PTPRK: variants seen among roughly 807,000 people sequenced by gnomAD.
The protein encoded by PTPRK is protein tyrosine phosphatase receptor type K.
A neutral mutation model predicts 178.0 loss-of-function variants in PTPRK; 75 were observed. The observed-to-expected ratio is 0.42, with a 90% CI of 0.35 to 0.51. The LOEUF is 0.51. PTPRK is among the 20% of genes least tolerant of loss of function. The probability of loss-of-function intolerance (pLI) is 0.02; values close to 1 mark genes in which losing one functional copy is unlikely to be tolerated. For synonymous variants in PTPRK, 637 were observed against 620.6 expected (o/e 1.03, Z -0.39); for missense variants, 1,441 against 1,797.8 (o/e 0.80, Z 3.59).
In PTPRK at chr6:128,184,477, T is replaced by A. The variant is rs757597593; in HGVS notation, c.1117A>T (p.Thr373Ser). ...ATTAGTGGAGGTCCTGGGAGCCCCG[T>A]TCCACCTTCACCAGGTCTTGTAAGT... Reference protein sequence around the residue: ...VLLTRPGEGGTGLPGPPLITR... With the variant: ...VLLTRPGEGGSGLPGPPLITR... The change falls in exon 7 of 30, where the codon ACG becomes TCG. Residue 373 changes from threonine to serine, a missense_variant. Physicochemically the swap from Thr to Ser is moderately conservative, Grantham distance 58. Coordinates refer to ENST00000368226, the MANE Select transcript of PTPRK (RefSeq NM_002844.4). The A allele has an allele frequency of 2.5e-6, 4 of 1,613,738 alleles. No homozygotes were observed. Among genetic ancestry groups the A allele is most frequent in the Non-Finnish European group, 3.4e-6 (4 of 1,179,788 alleles).
At chr6:128,462,066 C>A (rs1849119250) in intron 1 of PTPRK, among the ~76,000 whole-genome samples, 1 of 152,108 alleles carries the variant, frequency 6.6e-6, no homozygotes, top group African/African-American at 2.4e-5. Context: ...TGCGCTCAAG[C>A]AATGCTCCTG....
chr6:128,094,042 C>CA (rs1364096262), intron 7 of PTPRK, among the ~76,000 whole-genome samples: 2 of 151,990 alleles, frequency 1.3e-5, no homozygotes, highest in East Asian at 3.9e-4. Flanking sequence ...ATAAATAATA[C>CA]AAAAAATGGA....
intron 2 of PTPRK, among the ~76,000 whole-genome samples, chr6:128,333,940 G>A (rs1830590827): frequency 6.6e-6 from 1 of 152,098 alleles, no homozygotes; most frequent in Non-Finnish European, 1.5e-5. Context: ...GATAATTAAA[G>A]GGCCACCGTA....
chr6:128,181,442 T>C (rs2114685699), intron 7 of PTPRK, among the ~76,000 whole-genome samples: 1 of 152,200 alleles, frequency 6.6e-6, no homozygotes, highest in South Asian at 2.1e-4. Context: ...TGGCAAATTC[T>C]ACAACTGTAA....
chr6:128,089,659 C>T (rs770435876), intron 8 of PTPRK, 31 bp downstream of exon 8: 54 of 1,547,718 alleles, frequency 3.5e-5, no homozygotes, highest in African/African-American at 1.4e-4. Context: ...TAGAGAATTC[C>T]CCCCTTTTAA....
chr6:128,136,340 A>G (rs533615055), intron 7 of PTPRK, among the ~76,000 whole-genome samples: 19 of 152,328 alleles, frequency 1.2e-4, no homozygotes, highest in African/African-American at 4.6e-4. Flanking sequence ...AGCATTACAT[A>G]TAGGGATTAA....
At chr6:128,369,376 A>G (rs564850483) in intron 2 of PTPRK, among the ~76,000 whole-genome samples, 1 of 152,252 alleles carries the variant, frequency 6.6e-6, no homozygotes, top group African/African-American at 2.4e-5. Context: ...AACAATATAG[A>G]TAGACATTTT....
intron 6 of PTPRK, among the ~76,000 whole-genome samples, chr6:128,194,221 G>A (rs199686604): frequency 6.6e-6 from 1 of 151,658 alleles, no homozygotes; most frequent in East Asian, 1.9e-4. Context: ...GAGTAGCTGG[G>A]ATTACAGGTG....
At chr6:128,310,901 T>C (rs570970880) in intron 3 of PTPRK, among the ~76,000 whole-genome samples, 2 of 152,078 alleles carry the variant, frequency 1.3e-5, no homozygotes, top group South Asian at 4.2e-4. Flanking sequence ...TTAAAGCAAA[T>C]AAAGGATTAG....
At chr6:128,074,416 G>A (rs1453121748) in intron 11 of PTPRK, among the ~76,000 whole-genome samples, 4 of 151,956 alleles carry the variant, frequency 2.6e-5, no homozygotes, top group African/African-American at 7.2e-5. Flanking sequence ...TAAATGGGAC[G>A]TTCTATGCAT....
intron 3 of PTPRK, among the ~76,000 whole-genome samples, chr6:128,252,317 T>C (rs1009947925): frequency 2.0e-5 from 3 of 152,314 alleles, no homozygotes; most frequent in Middle Eastern, 3.4e-3. Context: ...TGCTAGTATG[T>C]TGAAGTTATA....
chr6:128,325,212 GTTTGT>G (rs1244462088), intron 2 of PTPRK, among the ~76,000 whole-genome samples: 1 of 151,958 alleles, frequency 6.6e-6, no homozygotes, highest in African/African-American at 2.4e-5. Context: ...TATGCTTTTT[GTTTGT>G]TTTAAGTGCA....
chr6:128,461,136 T>C (rs1028930807), intron 1 of PTPRK, among the ~76,000 whole-genome samples: 2 of 152,192 alleles, frequency 1.3e-5, no homozygotes, highest in African/African-American at 2.4e-5. Context: ...TCAACCTCTG[T>C]ATTGTCAAGA....
intron 7 of PTPRK, among the ~76,000 whole-genome samples, chr6:128,143,365 G>T (rs921926603): frequency 6.6e-6 from 1 of 152,084 alleles, no homozygotes; most frequent in Non-Finnish European, 1.5e-5. Flanking sequence ...GTAATTATCC[G>T]ATTTGAAATG....
intron 11 of PTPRK, among the ~76,000 whole-genome samples, chr6:128,072,237 C>T (rs554590084): frequency 3.0e-4 from 46 of 151,966 alleles, no homozygotes; most frequent in African/African-American, 1.1e-3. Flanking sequence ...AATGTGACTT[C>T]CTTATTTTTT....
intron 3 of PTPRK, among the ~76,000 whole-genome samples, chr6:128,274,685 T>G (rs1313877725): frequency 6.6e-6 from 1 of 152,108 alleles, no homozygotes; most frequent in African/African-American, 2.4e-5. Flanking sequence ...AAACAAATGG[T>G]TTAGAAATGC....
chr6:128,193,738 T>C (rs1804317351), intron 6 of PTPRK, among the ~76,000 whole-genome samples: 1 of 152,188 alleles, frequency 6.6e-6, no homozygotes, highest in African/African-American at 2.4e-5. Context: ...TACTGAATTT[T>C]ATATCCTATG....
At chr6:128,347,363 C>A (rs74925568) in intron 2 of PTPRK, among the ~76,000 whole-genome samples, 1 of 152,044 alleles carries the variant, frequency 6.6e-6, no homozygotes, top group African/African-American at 2.4e-5. Context: ...TCTTATCATA[C>A]GGCATCACAA....
At chr6:128,066,219 T>C (rs1346985042) in intron 12 of PTPRK, among the ~76,000 whole-genome samples, 1 of 152,122 alleles carries the variant, frequency 6.6e-6, no homozygotes, top group Admixed American at 6.6e-5. Flanking sequence ...AGTAGCCCAG[T>C]TGTAACAGTG....
Sources: allele counts gnomAD v4.1 joint callset (sites outside exome capture counted in the v4.1 genomes callset), GRCh38; gene constraint gnomAD v4.1.1; transcripts MANE v1.5; gene names NCBI Gene and HGNC (gene_info 2026-07-23, HGNC 2026-07-21).